EIF3E: variants seen among roughly 807,000 people sequenced by gnomAD.
The protein encoded by EIF3E is eIF-3 p48.
Under a neutral mutation model 59.3 loss-of-function variants are expected in EIF3E, and 25 were observed. That is an observed-to-expected ratio of 0.42 (90% CI 0.31 to 0.59). The LOEUF (loss-of-function observed/expected upper bound fraction) is 0.59, where lower values mean the gene tolerates loss of function less well. Among genes scored for constraint, EIF3E ranks in the 20% least tolerant of loss-of-function variants. EIF3E has a pLI of 0.15. For synonymous variants in EIF3E, 176 were observed against 170.2 expected, an observed-to-expected ratio of 1.03 and a Z score of -0.26; for missense variants, 317 against 534.3, an observed-to-expected ratio of 0.59 and a Z score of 4.01.
intron 2 of EIF3E, 101 bp downstream of exon 2, chr8:108,241,698 T>C (rs1206449335): frequency 6.7e-6 from 4 of 594,810 alleles, no homozygotes; most frequent in Non-Finnish European, 1.1e-5. Context: ...ATTCAAATCA[T>C]ATTTAAGCCT....
chr8:108,201,248 A>C lies in EIF3E; in HGVS notation c.*637T>G, dbSNP rs1425283127. On this transcript the variant is annotated 3_prime_UTR_variant, in exon 13 of 13. Transcript: ENST00000220849. Reference sequence around the variant, plus strand: ...GCAATAAAAAAGGAATTAACTACTGATCATATATATATATATATCTATCTC... The same window carrying C: ...GCAATAAAAAAGGAATTAACTACTGCTCATATATATATATATATCTATCTC... 1.3e-5 allele frequency: 1 copy of C among 74,502 alleles called. No homozygotes were observed. The highest frequency in any genetic ancestry group is 2.7e-5 in the Non-Finnish European group (1 of 37,674). 4.6% of individuals were successfully genotyped at this position (74,502 alleles called of 1,614,324 possible).
At chr8:108,236,459 A>C (rs983804763) in intron 3 of EIF3E, among the ~76,000 whole-genome samples, 4 of 152,214 alleles carry the variant, frequency 2.6e-5, no homozygotes, top group Non-Finnish European at 5.9e-5. Flanking sequence ...ACCACAACTA[A>C]GGTAAGGCCT....
At chr8:108,236,300 TTAAA>T (rs1185533815) in intron 3 of EIF3E, 97 bp from the exon 4 acceptor site, 4 of 807,610 alleles carry the variant, frequency 5.0e-6, no homozygotes, top group East Asian at 2.8e-5. Flanking sequence ...CAAAGTCACC[TTAAA>T]TAAATACTTA....
chr8:108,206,678 C>G (rs1815108861), intron 10 of EIF3E, among the ~76,000 whole-genome samples: 1 of 151,948 alleles, frequency 6.6e-6, no homozygotes, highest in Non-Finnish European at 1.5e-5. Context: ...TGGCCTGCAC[C>G]TATAGTCCCA....
At chr8:108,215,872 G>A (rs997596971) in intron 9 of EIF3E, among the ~76,000 whole-genome samples, 2 of 152,032 alleles carry the variant, frequency 1.3e-5, no homozygotes, top group Non-Finnish European at 2.9e-5. Flanking sequence ...TTGCTCTAAA[G>A]GTACTTTAAT....
intron 5 of EIF3E, among the ~76,000 whole-genome samples, chr8:108,230,308 C>T (rs1815598292): frequency 6.6e-6 from 1 of 152,048 alleles, no homozygotes; most frequent in Admixed American, 6.6e-5. Context: ...GGGGATAGAA[C>T]CCACCTCAGT....
chr8:108,204,116 A>C (rs645070), intron 10 of EIF3E, among the ~76,000 whole-genome samples: 76,118 of 151,776 alleles, frequency 0.5, 19,152 homozygotes, highest in African/African-American at 0.58. Flanking sequence ...GGAATCTATG[A>C]ATTTTGGCAT....
At chr8:108,202,931 C>T (rs560494740) in intron 12 of EIF3E, 52 bp downstream of exon 12, 5 of 1,540,618 alleles carry the variant, frequency 3.2e-6, no homozygotes, top group African/African-American at 2.7e-5. Context: ...CTTCATGTAA[C>T]AATTACATGG....
chr8:108,203,636 A>G (rs1815038668), intron 10 of EIF3E, 133 bp from the exon 11 acceptor site: 9 of 679,136 alleles, frequency 1.3e-5, no homozygotes, highest in Non-Finnish European at 2.3e-5. Context: ...ATATACCATG[A>G]CCCCTACTGT....
intron 10 of EIF3E, among the ~76,000 whole-genome samples, chr8:108,205,550 C>G (rs553099969): frequency 6.6e-6 from 1 of 152,136 alleles, no homozygotes; most frequent in African/African-American, 2.4e-5. Context: ...CAATCCCAGT[C>G]TGAAAATATT....
chr8:108,241,706 C>G, intron 2 of EIF3E, 93 bp downstream of exon 2: 1 of 635,690 alleles, frequency 1.6e-6, no homozygotes, highest in East Asian at 2.9e-5. Context: ...CATATTTAAG[C>G]CTTTTGGCTA....
intron 10 of EIF3E, among the ~76,000 whole-genome samples, chr8:108,207,378 A>G (rs1815121665): frequency 6.6e-6 from 1 of 152,190 alleles, no homozygotes; most frequent in Non-Finnish European, 1.5e-5. Flanking sequence ...AAAGTGTAAT[A>G]TCCTATCAAA....
At chr8:108,205,079 T>C (rs541903934) in intron 10 of EIF3E, among the ~76,000 whole-genome samples, 1 of 152,274 alleles carries the variant, frequency 6.6e-6, no homozygotes, top group South Asian at 2.1e-4. Flanking sequence ...TGTGTTTATA[T>C]ACTGTCTTTT....
Position 108,240,187 on chromosome 8 carries a change from T to C in EIF3E, c.206-112A>G, listed in dbSNP as rs954444841. On this transcript the variant is annotated intron_variant, in intron 2 of 12. Coordinates refer to ENST00000220849, the MANE Select transcript of EIF3E (RefSeq NM_001568.3). ...GTATTTAAACTATACATATATTTATTTACCCCCAATATATTCATATGCCAT... is the reference window on the plus strand; with the variant it reads ...GTATTTAAACTATACATATATTTATCTACCCCCAATATATTCATATGCCAT... The C allele has an allele frequency of 1.1e-4, 90 of 846,874 alleles. 1 individual carries two copies. The highest frequency in any genetic ancestry group is 2.5e-4 in the Middle Eastern group (1 of 3,956). 52.5% of individuals were successfully genotyped at this position (846,874 alleles called of 1,614,324 possible).
At chr8:108,211,231 T>C (rs1815204262) in intron 10 of EIF3E, among the ~76,000 whole-genome samples, 1 of 152,172 alleles carries the variant, frequency 6.6e-6, no homozygotes, top group Non-Finnish European at 1.5e-5. Flanking sequence ...AAAGTGTTCC[T>C]ATTTCTCCAC....
intron 9 of EIF3E, among the ~76,000 whole-genome samples, chr8:108,216,110 T>C (rs778206102): frequency 6.6e-6 from 1 of 152,194 alleles, no homozygotes; most frequent in Non-Finnish European, 1.5e-5. Flanking sequence ...ATTATGGATA[T>C]GTCTGTAAAT....
intron 10 of EIF3E, among the ~76,000 whole-genome samples, chr8:108,205,957 C>A (rs1365150883): frequency 6.6e-6 from 1 of 152,112 alleles, no homozygotes; most frequent in African/African-American, 2.4e-5. Flanking sequence ...TTTGGTACTA[C>A]CTGCAGTTTC....
chr8:108,210,091 C>A (rs1405159510), intron 10 of EIF3E, among the ~76,000 whole-genome samples: 1 of 151,074 alleles, frequency 6.6e-6, no homozygotes, highest in African/African-American at 2.4e-5. Flanking sequence ...ACTTAGAGGA[C>A]CTTTTTTTAA....
At position 108,209,132 on chromosome 8, in the gene EIF3E, A is replaced by G. The variant is rs181400940; in HGVS notation, c.1061+5475T>C. On this transcript the variant is annotated intron_variant, in intron 10 of 12. Coordinates refer to ENST00000220849, the MANE Select transcript of EIF3E (RefSeq NM_001568.3). ...TTAATAAACAATTATGGGTTTTATA[A>G]TACTATTTTCAGCATTTGAAATGTG... Among the ~76,000 whole-genome samples the G allele has an allele frequency of 5.7e-3, 867 of 152,232 alleles. 5 individuals are homozygous for G. The highest frequency in any genetic ancestry group is 0.014 in the Middle Eastern group (4 of 294).
Sources: gnomAD v4.1 joint callset for allele counts (sites outside exome capture counted in the v4.1 genomes callset) on GRCh38, gnomAD v4.1.1 for gene constraint, MANE v1.5 for transcripts, NCBI Gene and HGNC (gene_info 2026-07-23, HGNC 2026-07-21) for gene names.